NAV1: variants seen among roughly 807,000 people sequenced by gnomAD.
NAV1 encodes the protein neuron navigator 1, also known as pore membrane and/or filament interacting like protein 3.
Under a neutral mutation model 175.2 loss-of-function variants are expected in NAV1, and 18 were observed. The observed-to-expected ratio is 0.10, with a 90% CI of 0.07 to 0.15. The LOEUF is 0.15. Among genes scored for constraint, NAV1 ranks in the 10% least tolerant of loss-of-function variants. NAV1 has a pLI of 1.00. For missense variants in NAV1, 1,731 were observed against 2,436.6 expected (o/e 0.71, Z 6.10); for synonymous variants, 897 against 978.7 (o/e 0.92, Z 1.56).
intron 1 of NAV1, among the ~76,000 whole-genome samples, chr1:201,696,377 C>T (rs997755643): frequency 2.6e-5 from 4 of 152,186 alleles, no homozygotes; most frequent in African/African-American, 9.7e-5. Flanking sequence ...AACCTGCCTG[C>T]CAGACGCTCT....
intron 1 of NAV1, among the ~76,000 whole-genome samples, chr1:201,657,429 T>C (rs1284666949): frequency 1.3e-5 from 2 of 152,348 alleles, no homozygotes; most frequent in African/African-American, 4.8e-5. Flanking sequence ...CAGGATCCCC[T>C]TTCTTATATT....
chr1:201,612,171 C>G (rs181332780), intron 2 of NAV1, among the ~76,000 whole-genome samples: 2 of 152,252 alleles, frequency 1.3e-5, no homozygotes, highest in East Asian at 3.9e-4. Flanking sequence ...AAACAACAGG[C>G]CAGGCATGGT....
chr1:201,666,262 A>G (rs1237778141), intron 1 of NAV1, among the ~76,000 whole-genome samples: 1 of 152,102 alleles, frequency 6.6e-6, no homozygotes, highest in East Asian at 1.9e-4. Context: ...TGTTCAGGGA[A>G]TGCAAACTGA....
chr1:201,705,433 C>G (rs1671628880), intron 1 of NAV1, among the ~76,000 whole-genome samples: 1 of 152,140 alleles, frequency 6.6e-6, no homozygotes, highest in South Asian at 2.1e-4. Flanking sequence ...ATGCAGCAAA[C>G]AACAGGAGTG....
intron 1 of NAV1, among the ~76,000 whole-genome samples, chr1:201,541,726 A>G (rs1665521514): frequency 6.6e-6 from 1 of 152,202 alleles, no homozygotes; most frequent in African/African-American, 2.4e-5. Flanking sequence ...GTAAGCCGAG[A>G]TCATGCCATT....
intron 3 of NAV1, among the ~76,000 whole-genome samples, chr1:201,758,752 C>T (rs1198274810): frequency 1.3e-5 from 2 of 152,220 alleles, no homozygotes; most frequent in Non-Finnish European, 2.9e-5. Flanking sequence ...CCCAAGTGAT[C>T]TGAGTAAATG....
At chr1:201,726,877 A>G (rs755024357) in intron 3 of NAV1, among the ~76,000 whole-genome samples, 3 of 152,186 alleles carry the variant, frequency 2.0e-5, no homozygotes, top group Non-Finnish European at 2.9e-5. Context: ...TTAAATAAAC[A>G]GACTTTTGAG....
intron 1 of NAV1, among the ~76,000 whole-genome samples, chr1:201,560,489 GGTGACCAACAGGCAAGAGCCCA>G: frequency 6.6e-6 from 1 of 152,270 alleles, no homozygotes; most frequent in Non-Finnish European, 1.5e-5. Context: ...ATCCTGGTGT[GGTGACCAACAGGCAAGAGCCCA>G]GTGACCCTGC....
intron 1 of NAV1, among the ~76,000 whole-genome samples, chr1:201,658,937 T>C (rs774059859): frequency 7.9e-5 from 12 of 152,168 alleles, no homozygotes; most frequent in Non-Finnish European, 1.8e-4. Flanking sequence ...TAAACTCAAG[T>C]CTTCATCTTC....
chr1:201,592,228 C>T (rs1667220836), intron 2 of NAV1, among the ~76,000 whole-genome samples: 1 of 152,224 alleles, frequency 6.6e-6, no homozygotes, highest in African/African-American at 2.4e-5. Flanking sequence ...CTAGCACACA[C>T]ATCCACCCAT....
chr1:201,769,144 C>T (rs1675401314), intron 3 of NAV1, among the ~76,000 whole-genome samples: 1 of 152,122 alleles, frequency 6.6e-6, no homozygotes, highest in Non-Finnish European at 1.5e-5. Context: ...GTATCAGGGG[C>T]AAATGTCATG....
chr1:201,604,715 GGAAAGAAAGAGAAAGAAA>G (rs1667624430), intron 2 of NAV1, among the ~76,000 whole-genome samples: 1 of 138,370 alleles, frequency 7.2e-6, no homozygotes, highest in Admixed American at 7.4e-5. Flanking sequence ...GAAAGAGAAA[GGAAAGAAAGAGAAAGAAA>G]GAAAGAAAGA....
At chr1:201,784,655 A>G (rs527684608) in intron 7 of NAV1, among the ~76,000 whole-genome samples, 9 of 150,118 alleles carry the variant, frequency 6.0e-5, no homozygotes, top group African/African-American at 2.2e-4. Context: ...CTCCTGCCTC[A>G]GCCTCCCGGG....
chr1:201,739,227 G>C (rs1571917618), intron 3 of NAV1: 1 of 152,190 alleles, frequency 6.6e-6, no homozygotes, highest in East Asian at 1.9e-4. Flanking sequence ...CCTAATCTGT[G>C]GTCTCCTGAA....
intron 1 of NAV1, among the ~76,000 whole-genome samples, 42 bp from the exon 2 acceptor site, chr1:201,588,497 G>A (rs1231664480): frequency 6.6e-6 from 1 of 151,130 alleles, no homozygotes; most frequent in East Asian, 2.0e-4. Flanking sequence ...ACAGGTAGGT[G>A]CCACCACACC....
intron 3 of NAV1, among the ~76,000 whole-genome samples, chr1:201,745,461 A>T (rs1407183507): frequency 2.6e-5 from 4 of 152,228 alleles, no homozygotes; most frequent in Admixed American, 1.3e-4. Context: ...AGGGGAGAAG[A>T]GGAAAGTTGT....
chr1:201,629,521 G>A lies in NAV1; in HGVS notation c.4+14G>A. On this transcript the variant is annotated intron_variant, in intron 2 of 29. Transcript: ENST00000367302. ...TCTCCTGCATGGGTAAGTGATCTGG[G>A]GGAGACTTCCTCCTAGGGTCGGGAG... The A allele has an allele frequency of 1.5e-6, 2 of 1,298,844 alleles. No homozygotes were observed. The highest frequency in any genetic ancestry group is 1.5e-5 in the African/African-American group (1 of 65,764). The allele number at this position is 1,298,844 out of a possible 1,614,324, so 80.5% of individuals were successfully genotyped here.
At chr1:201,632,124 G>A (rs1309708172) in intron 2 of NAV1, among the ~76,000 whole-genome samples, 2 of 152,200 alleles carry the variant, frequency 1.3e-5, no homozygotes, top group African/African-American at 4.8e-5. Context: ...TGAGTGCAGA[G>A]TCTTTGAGCG....
chr1:201,711,918 G>A (rs755116989), intron 1 of NAV1, among the ~76,000 whole-genome samples: 8 of 152,210 alleles, frequency 5.3e-5, no homozygotes, highest in Non-Finnish European at 1.0e-4. Flanking sequence ...TCAGTCATTT[G>A]GACGTTATTT....
Sources: gnomAD v4.1 joint callset for allele counts (sites outside exome capture counted in the v4.1 genomes callset) on GRCh38, gnomAD v4.1.1 for gene constraint, MANE v1.5 for transcripts, NCBI Gene and HGNC (gene_info 2026-07-23, HGNC 2026-07-21) for gene names.